Variants in DAW1 observed in about 807,000 individuals in gnomAD.
The protein encoded by DAW1 is dynein assembly factor with WD repeat domains 1.
In DAW1, 47 loss-of-function variants were observed where a neutral mutation model predicts 56.5. The ratio of observed to expected loss-of-function variants is 0.83; its 90% confidence interval spans 0.66 to 1.06. DAW1 has a LOEUF of 1.06. DAW1 is among the 50% of genes least tolerant of loss of function. The pLI, the probability that DAW1 is intolerant of heterozygous loss-of-function variation, is 0.00. For synonymous variants in DAW1, 190 were observed against 179.0 expected (o/e 1.06, Z -0.49); for missense variants, 505 against 499.3 (o/e 1.01, Z -0.11).
intron 3 of DAW1, among the ~76,000 whole-genome samples, chr2:227,890,869 GCA>G (rs113121818): frequency 0.068 from 10,370 of 152,260 alleles, 356 homozygotes; most frequent in Middle Eastern, 0.099. Flanking sequence ...TTATGTATAT[GCA>G]TTCAATAAAT....
chr2:227,889,723 T>G, intron 2 of DAW1, 133 bp from the exon 3 acceptor site: 1 of 688,344 alleles, frequency 1.5e-6, no homozygotes. Flanking sequence ...AGATATCTCT[T>G]GGGAAAGATA....
chr2:227,886,741 G>GT (rs1691139549), intron 2 of DAW1, among the ~76,000 whole-genome samples: 1 of 152,234 alleles, frequency 6.6e-6, no homozygotes, highest in Admixed American at 6.5e-5. Flanking sequence ...CAGGCTAGGA[G>GT]TTTGAGACCA....
chr2:227,893,167 G>A (rs1691313486), intron 4 of DAW1, among the ~76,000 whole-genome samples: 2 of 151,868 alleles, frequency 1.3e-5, no homozygotes, highest in Admixed American at 6.6e-5. Context: ...CTACCTGGGA[G>A]GCTGAGGCAG....
chr2:227,884,610 C>G (rs1691079769), intron 1 of DAW1, among the ~76,000 whole-genome samples: 1 of 152,266 alleles, frequency 6.6e-6, no homozygotes, highest in South Asian at 2.1e-4. Flanking sequence ...ACCTGCAGGG[C>G]GCAGAAGGTA....
chr2:227,901,347 A>C (rs1017929160), intron 6 of DAW1, among the ~76,000 whole-genome samples: 1 of 152,182 alleles, frequency 6.6e-6, no homozygotes, highest in South Asian at 2.1e-4. Flanking sequence ...TCTTAGATTG[A>C]TATAAGCTGC....
At chr2:227,891,629 G>A (rs903009528) in intron 4 of DAW1, among the ~76,000 whole-genome samples, 1 of 152,166 alleles carries the variant, frequency 6.6e-6, no homozygotes, top group Non-Finnish European at 1.5e-5. Flanking sequence ...TTCAGAGCAG[G>A]CACTTTCCAT....
Position 227,923,994 on chromosome 2 carries a change from C to T in DAW1, c.*26C>T. 6.2e-7 allele frequency: 1 copy of T among 1,613,568 alleles called. No individual in the cohort carries two copies. Reference sequence around the variant, plus strand: ...CTGAAGGAAGCTGGTCAGTGAGCAACCTTGCTAGCAATGGTAATCAAGAAC... The same window carrying T: ...CTGAAGGAAGCTGGTCAGTGAGCAATCTTGCTAGCAATGGTAATCAAGAAC... On this transcript the variant is annotated 3_prime_UTR_variant, in exon 13 of 13. Coordinates refer to ENST00000309931, the MANE Select transcript of DAW1 (RefSeq NM_178821.3).
intron 1 of DAW1, among the ~76,000 whole-genome samples, chr2:227,875,713 GT>G (rs1690862245): frequency 6.6e-6 from 1 of 151,934 alleles, no homozygotes. Context: ...CCTTTCCCTG[GT>G]TTGTCTTTTC....
intron 1 of DAW1, among the ~76,000 whole-genome samples, chr2:227,879,317 A>G (rs1690956013): frequency 6.6e-6 from 1 of 152,122 alleles, no homozygotes; most frequent in African/African-American, 2.4e-5. Flanking sequence ...ATTTTTTCTT[A>G]ATAATGAAGT....
At chr2:227,918,572 C>T (rs1047391559) in intron 10 of DAW1, among the ~76,000 whole-genome samples, 4 of 152,128 alleles carry the variant, frequency 2.6e-5, no homozygotes, top group African/African-American at 9.7e-5. Context: ...AAGCTCAGGG[C>T]TAAAGAGGAG....
chr2:227,890,036 CA>C, intron 3 of DAW1, 36 bp downstream of exon 3: 1 of 1,472,196 alleles, frequency 6.8e-7, no homozygotes, highest in Non-Finnish European at 9.0e-7. Flanking sequence ...AGAAGAATTT[CA>C]GTGAAATGAT....
chr2:227,893,987 G>A lies in DAW1; in HGVS notation c.440+70G>A, dbSNP rs1405039292. On this transcript the variant is annotated intron_variant, in intron 5 of 12. Coordinates refer to ENST00000309931, the MANE Select transcript of DAW1 (RefSeq NM_178821.3). ...ATCCCTCCATCTGCTTGGGGAGAAA[G>A]GGAAGAAGACAAGAGGTCTAAATTT... 4 of 1,446,640 alleles carry A rather than the reference G, an allele frequency of 2.8e-6. No individual in the cohort carries two copies. In the African/African-American group the frequency reaches 5.7e-5, roughly 21 times the overall value. 89.6% of individuals were successfully genotyped at this position (1,446,640 alleles called of 1,614,324 possible). A position where few individuals can be genotyped will look rare whatever the true frequency, so the allele number is the denominator to read the frequency against.
At chr2:227,889,706 C>T in intron 2 of DAW1, 150 bp from the exon 3 acceptor site, 1 of 575,770 alleles carries the variant, frequency 1.7e-6, no homozygotes, top group South Asian at 3.6e-5. Context: ...CTCCCCGCCC[C>T]ACCCCCAGAT....
chr2:227,910,526 C>CA (rs1553603543), intron 10 of DAW1, among the ~76,000 whole-genome samples: 1 of 75,948 alleles, frequency 1.3e-5, no homozygotes, highest in Non-Finnish European at 3.4e-5. Context: ...ACACACACAC[C>CA]CCTCATATTC....
At chr2:227,881,103 T>A (rs540576269) in intron 1 of DAW1, among the ~76,000 whole-genome samples, 2 of 152,304 alleles carry the variant, frequency 1.3e-5, no homozygotes, top group African/African-American at 4.8e-5. Flanking sequence ...AGAGGGTATA[T>A]TTGAGGAAGG....
intron 6 of DAW1, among the ~76,000 whole-genome samples, chr2:227,898,738 T>C (rs1428520804): frequency 6.6e-6 from 1 of 152,198 alleles, no homozygotes; most frequent in Non-Finnish European, 1.5e-5. Flanking sequence ...TATATTTATA[T>C]GGTGGTACCA....
intron 5 of DAW1, 89 bp downstream of exon 5, chr2:227,894,006 TA>T: frequency 7.3e-7 from 1 of 1,372,700 alleles, no homozygotes; most frequent in Non-Finnish European, 9.7e-7. Flanking sequence ...ACAAGAGGTC[TA>T]AATTTATTGA....
At chr2:227,907,728 A>G (rs1052531982) in intron 10 of DAW1, among the ~76,000 whole-genome samples, 1 of 152,044 alleles carries the variant, frequency 6.6e-6, no homozygotes, top group African/African-American at 2.4e-5. Flanking sequence ...TTGTATTTTT[A>G]GTAGAGACGG....
intron 10 of DAW1, among the ~76,000 whole-genome samples, chr2:227,910,938 C>T (rs548270427): frequency 1.3e-5 from 2 of 152,006 alleles, no homozygotes; most frequent in Non-Finnish European, 2.9e-5. Context: ...TTTTTTTCTG[C>T]ATCCAATCAT....
Sources: allele counts gnomAD v4.1 joint callset (sites outside exome capture counted in the v4.1 genomes callset), GRCh38; gene constraint gnomAD v4.1.1; transcripts MANE v1.5; gene names NCBI Gene and HGNC (gene_info 2026-07-23, HGNC 2026-07-21).